Variants in TTC8 observed in about 807,000 individuals in gnomAD.
The protein encoded by TTC8 is tetratricopeptide repeat domain 8, also known as tetratricopeptide repeat protein 8.
TTC8 carries 47 observed loss-of-function variants against 72.5 expected under a neutral mutation model. That is an observed-to-expected ratio of 0.65 (90% CI 0.51 to 0.83). TTC8 has a LOEUF of 0.83. TTC8 is among the 40% of genes least tolerant of loss of function. TTC8 has a pLI of 0.00. For synonymous variants in TTC8, 199 were observed against 221.4 expected, an observed-to-expected ratio of 0.90 and a Z score of 0.90; for missense variants, 611 against 623.2, an observed-to-expected ratio of 0.98 and a Z score of 0.21.
At chr14:88,833,504 G>A (rs1763750814) in intron 1 of TTC8, among the ~76,000 whole-genome samples, 189 bp from the exon 2 acceptor site, 1 of 152,172 alleles carries the variant, frequency 6.6e-6, no homozygotes, top group Admixed American at 6.5e-5. Flanking sequence ...TGAAAATTTA[G>A]CATTCTTCAA....
intron 13 of TTC8, among the ~76,000 whole-genome samples, chr14:88,873,554 C>T (rs761905165): frequency 4.1e-4 from 63 of 152,000 alleles, no homozygotes; most frequent in Admixed American, 1.8e-3. Flanking sequence ...CAGTACCTGC[C>T]GTATGGTAGA....
rs139234943 is a variant in TTC8, at chr14:88,839,573, G to C, written c.265+1G>C. On this transcript the variant is annotated splice_donor_variant, in intron 3 of 14. Coordinates refer to ENST00000380656, the MANE Select transcript of TTC8 (RefSeq NM_144596.4). LOFTEE classifies it high-confidence loss of function. ...GAAAATGCTATAGCTCAAGTTCCACGTAAGTATTGGGTTTTCAGTTAAGTT... is the reference window on the plus strand; with the variant it reads ...GAAAATGCTATAGCTCAAGTTCCACCTAAGTATTGGGTTTTCAGTTAAGTT... 1 of 1,612,900 alleles carries C rather than the reference G, an allele frequency of 6.2e-7. No homozygotes were observed. Among genetic ancestry groups the C allele is most frequent in the Non-Finnish European group, 8.5e-7 (1 of 1,179,256 alleles).
rs73327392 is a variant in TTC8, at chr14:88,837,173, C to T, written c.145-2279C>T. 7.9e-3 allele frequency: 1,315 copies of T among 167,068 alleles called. 15 individuals are homozygous for T. The highest frequency in any genetic ancestry group is 0.03 in the African/African-American group (1,259 of 41,586). 10.3% of individuals were successfully genotyped at this position (167,068 alleles called of 1,614,324 possible). On this transcript the variant is annotated intron_variant, in intron 2 of 14. Transcript: ENST00000380656. Reference sequence around the variant, plus strand: ...GGATAAAAATTTACATACCTCACTGCGGCATACAGGATCCATCACCTGGCT... The same window carrying T: ...GGATAAAAATTTACATACCTCACTGTGGCATACAGGATCCATCACCTGGCT...
intron 10 of TTC8, among the ~76,000 whole-genome samples, chr14:88,869,787 T>G (rs1349294611): frequency 6.6e-6 from 1 of 152,150 alleles, no homozygotes; most frequent in Admixed American, 6.5e-5. Context: ...ACACTCTCCC[T>G]GCTCTCTCTC....
chr14:88,829,902 T>A (rs891258861), intron 1 of TTC8, among the ~76,000 whole-genome samples: 1 of 152,156 alleles, frequency 6.6e-6, no homozygotes, highest in East Asian at 1.9e-4. Flanking sequence ...GGTTTCCTCT[T>A]TGGGGCCATG....
intron 3 of TTC8, 106 bp from the exon 4 acceptor site, chr14:88,840,759 A>T: frequency 1.9e-6 from 2 of 1,055,800 alleles, no homozygotes; most frequent in African/African-American, 3.2e-5. Context: ...TCTTGCTATT[A>T]ATGTCTTTTT....
intron 10 of TTC8, among the ~76,000 whole-genome samples, chr14:88,864,701 C>T (rs1254032495): frequency 6.6e-6 from 1 of 152,194 alleles, no homozygotes; most frequent in Non-Finnish European, 1.5e-5. Flanking sequence ...TGATCAAGGA[C>T]TAAGCACAGA....
intron 9 of TTC8, 46 bp from the exon 10 acceptor site, chr14:88,861,176 T>C (rs1259562191): frequency 6.1e-6 from 8 of 1,314,122 alleles, no homozygotes; most frequent in Admixed American, 1.7e-5. Context: ...TAACAAATAT[T>C]AATTTTAAGA....
At position 88,845,048 on chromosome 14, in the gene TTC8, A is replaced by G. The variant is rs149381285; in HGVS notation, c.624+1198A>G. ...TAGGAAAGGGAAAAATTCAGAAGGG[A>G]TGATATTAGTAAAGATCCATGAAAA... On this transcript the variant is annotated intron_variant, in intron 7 of 14. Coordinates refer to ENST00000380656, the MANE Select transcript of TTC8 (RefSeq NM_144596.4). 3.5e-3 allele frequency among the ~76,000 whole-genome samples: 534 copies of G among 152,304 alleles called. 1 individual carries two copies. The highest frequency in any genetic ancestry group is 0.012 in the African/African-American group (503 of 41,566).
At chr14:88,849,486 C>G (rs2094823594) in intron 7 of TTC8, among the ~76,000 whole-genome samples, 1 of 152,054 alleles carries the variant, frequency 6.6e-6, no homozygotes, top group African/African-American at 2.4e-5. Flanking sequence ...CTCCAAATTT[C>G]TCTTTAAATA....
At chr14:88,842,367 G>A (rs2094785719) in intron 6 of TTC8, among the ~76,000 whole-genome samples, 1 of 152,066 alleles carries the variant, frequency 6.6e-6, no homozygotes. Context: ...GTTTAAGTCT[G>A]AAAAAAAGAT....
At chr14:88,875,237 A>C (rs1238445562) in intron 14 of TTC8, 128 bp downstream of exon 14, 3 of 765,624 alleles carry the variant, frequency 3.9e-6, no homozygotes, top group Admixed American at 2.5e-5. Flanking sequence ...TAAAACTCTT[A>C]ATTACTGCAT....
At chr14:88,867,544 T>A (rs1383737031) in intron 10 of TTC8, among the ~76,000 whole-genome samples, 1 of 152,228 alleles carries the variant, frequency 6.6e-6, no homozygotes, top group Non-Finnish European at 1.5e-5. Context: ...AGCCTCTGCC[T>A]ACTACAATTT....
At chr14:88,855,500 T>C (rs988807893) in intron 8 of TTC8, among the ~76,000 whole-genome samples, 1 of 152,216 alleles carries the variant, frequency 6.6e-6, no homozygotes, top group African/African-American at 2.4e-5. Context: ...TCCTTTTTGA[T>C]AGTATTAGAT....
At chr14:88,879,166 T>C (rs10142228), downstream of TTC8, 77,105 of 152,002 alleles carry the variant, frequency 0.51, 21,586 homozygotes, top group African/African-American at 0.75. Flanking sequence ...AGTGTGAGCA[T>C]GAAGGCAAAG....
intron 7 of TTC8, among the ~76,000 whole-genome samples, chr14:88,845,703 T>C (rs1047597793): frequency 6.6e-6 from 1 of 152,222 alleles, no homozygotes. Context: ...CTCAAATTAC[T>C]AGAGTATCAT....
intron 9 of TTC8, among the ~76,000 whole-genome samples, chr14:88,859,343 A>C (rs1566849705): frequency 6.6e-6 from 1 of 152,204 alleles, no homozygotes; most frequent in Non-Finnish European, 1.5e-5. Context: ...GCCATAAAAA[A>C]GAATGAGAGC....
chr14:88,852,892 G>T, intron 7 of TTC8, 79 bp from the exon 8 acceptor site: 1 of 1,178,188 alleles, frequency 8.5e-7, no homozygotes, highest in Non-Finnish European at 1.3e-6. Flanking sequence ...CTAATTATAT[G>T]GTCTATTTCA....
rs771649736 is a variant in TTC8, at chr14:88,851,667, A to AT, written c.625-1295dup. Among the ~76,000 whole-genome samples the AT allele has an allele frequency of 4.1e-3, 607 of 147,978 alleles. 3 individuals carry two copies. Among genetic ancestry groups the AT allele is most frequent in the African/African-American group, 0.014 (554 of 40,146 alleles). On this transcript the variant is annotated intron_variant, in intron 7 of 14. Coordinates refer to ENST00000380656, the MANE Select transcript of TTC8 (RefSeq NM_144596.4). ...TAATTGTAGTTATACTTTTCTCCTC[A>AT]TTTTTTTTTGTTTCATTTTTATTTC... is the stretch of plus-strand genomic sequence containing the variant.
Sources: allele counts gnomAD v4.1 joint callset (sites outside exome capture counted in the v4.1 genomes callset), GRCh38; gene constraint gnomAD v4.1.1; transcripts MANE v1.5; gene names NCBI Gene and HGNC (gene_info 2026-07-23, HGNC 2026-07-21).